The following ITIH6 variants were observed in gnomAD, a reference collection of about 807,000 sequenced individuals.
ITIH6 encodes the protein inter-alpha-trypsin inhibitor heavy chain H6.
Under a neutral mutation model 58.2 loss-of-function variants are expected in ITIH6, and 60 were observed. That is an observed-to-expected ratio of 1.03 (90% CI 0.84 to 1.28). The LOEUF is 1.28. ITIH6 is among the 50% of genes most tolerant of loss of function. The pLI, the probability that ITIH6 is intolerant of heterozygous loss-of-function variation, is 0.00. For missense variants in ITIH6, 1,290 were observed against 1,021.1 expected (o/e 1.26, Z -3.59); for synonymous variants, 493 against 417.4 (o/e 1.18, Z -2.21).
intron 6 of ITIH6, among the ~76,000 whole-genome samples, chrX:54,763,075 AG>A (rs1369478912): frequency 2.7e-5 from 3 of 112,174 alleles, no homozygotes; most frequent in Non-Finnish European, 5.6e-5. Flanking sequence ...CACATTTGGG[AG>A]GTTTTAAATC....
intron 2 of ITIH6, among the ~76,000 whole-genome samples, chrX:54,794,273 C>G (rs1030661443): frequency 9.0e-6 from 1 of 110,633 alleles, no homozygotes; most frequent in Non-Finnish European, 1.9e-5. Context: ...AGCCAGCATA[C>G]TTTCCACAGA....
In ITIH6 at chrX:54,757,138, C is replaced by T. The variant is rs1569543863; in HGVS notation, c.2936G>A (p.Gly979Asp). The T allele has an allele frequency of 1.7e-6, 2 of 1,209,646 alleles. No homozygotes were observed. Among genetic ancestry groups the T allele is most frequent in the Non-Finnish European group, 2.2e-6 (2 of 895,156 alleles). The part of the protein sequence containing the change: ...LLNSSRPTPE[G>D]SPPNLPILLP... The stretch of plus-strand genomic sequence containing the variant: ...CAAGATTGGCAGGTTTGGAGGGCTG[C>T]CTTCTGGTGTAGGCCTGGAGCTGTT... The change falls in exon 8 of 13, where the codon GGC becomes GAC. Residue 979 changes from glycine to aspartate, a missense_variant. By Grantham distance (94) the Gly-to-Asp change is moderately conservative. Coordinates refer to ENST00000218436, the MANE Select transcript of ITIH6 (RefSeq NM_198510.3).
chrX:54,790,355 G>A (rs1929319343), intron 4 of ITIH6, among the ~76,000 whole-genome samples: 1 of 112,062 alleles, frequency 8.9e-6, no homozygotes, highest in Admixed American at 9.4e-5. Flanking sequence ...AAAACCTCTA[G>A]GTGACATTTG....
rs1161516426 is a variant in ITIH6 at position 54,791,961 on chromosome X, A to G, written c.333T>C (p.His111=). Residue 111 remains histidine, a synonymous_variant, in exon 3 of 13, where the codon CAT becomes CAC. Transcript: ENST00000218436. ...CATGAGCAGCTGTCTTTCCCTGCTG[A>G]TGGGCTTCTTCATAGATTTTCTTTG... ...HQAKKIYEEA[H]QQGKTAAHVG... is the part of the protein sequence containing the mutation. 2.5e-6 allele frequency: 3 copies of G among 1,201,095 alleles called. No individual in the cohort carries two copies. Among genetic ancestry groups the G allele is most frequent in the Non-Finnish European group, 3.4e-6 (3 of 887,225 alleles).
At position 54,751,290 on chromosome X, in the gene ITIH6, G is replaced by T; in HGVS notation, c.3443C>A (p.Thr1148Asn). The change falls in exon 12 of 13, where the codon ACT becomes AAT. Residue 1148 changes from threonine (T) to asparagine (N), a missense_variant. By Grantham distance (65) the Thr-to-Asn change is moderately conservative. Transcript: ENST00000218436. ...AGTATAGGCCCGGGGTTTGTCTGTA[G>T]TGACTGTGATGATCTGGAAGTAGGT... ...TRTYFQIITV[T>N]TDKPRAYTIT... is the part of the protein sequence containing the mutation. The T allele has an allele frequency of 8.3e-7, 1 of 1,212,030 alleles. No individual in the cohort carries two copies. Among genetic ancestry groups the T allele is most frequent in the Non-Finnish European group, 1.1e-6 (1 of 895,492 alleles).
chrX:54,760,003 A>G lies in ITIH6; in HGVS notation c.904-76T>C. On this transcript the variant is annotated intron_variant, in intron 6 of 12. Coordinates refer to ENST00000218436, the MANE Select transcript of ITIH6 (RefSeq NM_198510.3). ...GAGATTGAAAGGCTTTTTCTACACA[A>G]GGCATTAACATCTAAGTGTTATATG... 4 of 788,301 alleles carry G rather than the reference A, an allele frequency of 5.1e-6. No homozygotes were observed. In the South Asian group the frequency reaches 7.3e-5, roughly 14 times the overall value. 65.0% of individuals were successfully genotyped at this position (788,301 alleles called of 1,213,427 possible).
intron 6 of ITIH6, among the ~76,000 whole-genome samples, chrX:54,772,517 A>T (rs183866239): frequency 8.7e-4 from 98 of 112,619 alleles, no homozygotes; most frequent in Middle Eastern, 4.6e-3. Flanking sequence ...TTGGAAAAAA[A>T]ATTTCAATCA....
At chrX:54,774,038 T>G (rs1249097862) in intron 6 of ITIH6, 43 bp downstream of exon 6, 1 of 819,071 alleles carries the variant, frequency 1.2e-6, no homozygotes, top group Admixed American at 2.8e-5. Context: ...TTTCTGGGTC[T>G]TCTGATACTA....
At chrX:54,781,999 C>T (rs908772640) in intron 5 of ITIH6, among the ~76,000 whole-genome samples, 3 of 111,874 alleles carry the variant, frequency 2.7e-5, no homozygotes, top group Non-Finnish European at 5.6e-5. Context: ...CCAAATACTG[C>T]ATGTCCTCAA....
At position 54,798,121 on chromosome X, in the gene ITIH6, T is replaced by A; in HGVS notation, c.90A>T (p.Ser30=). 1 of 1,183,325 alleles carries A rather than the reference T, an allele frequency of 8.5e-7. No homozygotes were observed. The highest frequency in any genetic ancestry group is 1.8e-5 in the African/African-American group (1 of 56,612). ...TCCCAGAACTGACCTTTGTGCTTGA[T>A]GAAGCGGGGACAGGGGGTCCCTGGT... ...LTYQGPPVPA[S]SSTKLLMTSY... is the part of the protein sequence containing the mutation. The change falls in exon 1 of 13, where the codon TCA becomes TCT. Residue 30 remains serine, a synonymous_variant. Coordinates refer to ENST00000218436, the MANE Select transcript of ITIH6 (RefSeq NM_198510.3).
At chrX:54,797,915 C>A (rs2053871164) in intron 1 of ITIH6, among the ~76,000 whole-genome samples, 194 bp downstream of exon 1, 2 of 111,141 alleles carry the variant, frequency 1.8e-5, no homozygotes, top group Admixed American at 9.6e-5. Flanking sequence ...GCTGTGAGGA[C>A]TAAATGAAAT....
rs1366097145 is a variant in ITIH6, at chrX:54,753,976, G to A, written c.3203-11C>T. The A allele has an allele frequency of 2.8e-5, 34 of 1,205,012 alleles. No individual in the cohort carries two copies. Among genetic ancestry groups the A allele is most frequent in the Non-Finnish European group, 3.8e-5 (34 of 891,679 alleles). On this transcript the variant is annotated splice_polypyrimidine_tract_variant and intron_variant, in intron 9 of 12. Transcript: ENST00000218436. ...TGCTAGGCAATGTGCCTGCAAAGGA[G>A]AGAGAGACTGTGTTGGGAAGGGACT... is the stretch of plus-strand genomic sequence containing the variant.
At chrX:54,789,756 C>T (rs1929309025) in intron 4 of ITIH6, among the ~76,000 whole-genome samples, 1 of 112,110 alleles carries the variant, frequency 8.9e-6, no homozygotes. Flanking sequence ...TCATGTAAAG[C>T]GTTTGGAGCC....
intron 11 of ITIH6, among the ~76,000 whole-genome samples, chrX:54,753,049 G>T (rs1191645278): frequency 8.9e-6 from 1 of 112,636 alleles, no homozygotes; most frequent in East Asian, 2.8e-4. Context: ...CCTCACCGGA[G>T]AATTCTCCAC....
rs1928419273 is a variant in ITIH6 at position 54,753,651 on chromosome X, C to T, written c.3352G>A (p.Gly1118Arg). 1 of 1,197,034 alleles carries T rather than the reference C, an allele frequency of 8.4e-7. No homozygotes were observed. The highest frequency in any genetic ancestry group is 3.0e-5 in the East Asian group (1 of 33,775). ...GTGATGGAGTTCTTGGGGCTCTTAC[C>T]TGCCTTTGGGTCCTCTATGAGCTGC... ...LLQLIEDPKA[G>R]LHVSGKLLGA... Residue 1118 changes from glycine to arginine, a missense_variant and splice_region_variant, in exon 11 of 13, where the codon GGG (glycine) becomes AGG (arginine). By Grantham distance (125) the Gly-to-Arg change is moderately radical. Transcript: ENST00000218436.
intron 5 of ITIH6, among the ~76,000 whole-genome samples, chrX:54,779,207 GGCAATA>G (rs781421257): frequency 6.2e-4 from 69 of 111,942 alleles, no homozygotes; most frequent in Non-Finnish European, 1.2e-3. Context: ...AAAACTTACT[GGCAATA>G]GTAAGTACAC....
chrX:54,749,950 T>C lies in ITIH6; in HGVS notation c.3887A>G (p.Lys1296Arg). 3 of 1,211,635 alleles carry C rather than the reference T, an allele frequency of 2.5e-6. No homozygotes were observed. Among genetic ancestry groups the C allele is most frequent in the Non-Finnish European group, 2.2e-6 (2 of 895,426 alleles). ...CAGAAGCAGCTCTACATGAGAGCGC[T>C]TCACCAGCCAGCAGGAAGCCCAGCG... is the stretch of plus-strand genomic sequence containing the variant. ...LPRWASCWLV[K>R]RSHVELLLGH... Residue 1296 changes from lysine (K) to arginine (R), a missense_variant, in exon 13 of 13, where the codon AAG becomes AGG. Coordinates refer to ENST00000218436, the MANE Select transcript of ITIH6 (RefSeq NM_198510.3).
chrX:54,794,982 C>G (rs1025654254), intron 2 of ITIH6, among the ~76,000 whole-genome samples: 7 of 111,890 alleles, frequency 6.3e-5, no homozygotes, highest in Non-Finnish European at 1.3e-4. Context: ...TAAACACCAT[C>G]TATATTTACT....
intron 6 of ITIH6, among the ~76,000 whole-genome samples, chrX:54,768,660 A>G (rs1468167253): frequency 5.6e-5 from 6 of 107,706 alleles, no homozygotes; most frequent in African/African-American, 2.1e-4. Context: ...CTGGATATGA[A>G]ATTCTGGGTT....
Sources: gnomAD v4.1 joint callset for allele counts (sites outside exome capture counted in the v4.1 genomes callset) on GRCh38, gnomAD v4.1.1 for gene constraint, MANE v1.5 for transcripts, NCBI Gene and HGNC (gene_info 2026-07-23, HGNC 2026-07-21) for gene names.